Variants in LYPLAL1 observed in about 807,000 individuals in gnomAD.
The protein encoded by LYPLAL1 is lysophospholipase like 1, also known as lysophospholipase-like protein 1.
In LYPLAL1, 23 loss-of-function variants were observed where a neutral mutation model predicts 19.7. The ratio of observed to expected loss-of-function variants is 1.17; its 90% confidence interval spans 0.84 to 1.65. The LOEUF (loss-of-function observed/expected upper bound fraction) is 1.65, where lower values mean the gene tolerates loss of function less well. LYPLAL1 is among the 40% of genes most tolerant of loss of function. The pLI, the probability that LYPLAL1 is intolerant of heterozygous loss-of-function variation, is 0.00. For synonymous variants in LYPLAL1, 119 were observed against 96.3 expected (o/e 1.24, Z -1.38); for missense variants, 355 against 279.4 (o/e 1.27, Z -1.93).
At chr1:219,235,679 C>T in the LYPLAL1 span, among the ~76,000 whole-genome samples, 1 of 152,136 alleles carries the variant, frequency 6.6e-6, no homozygotes, top group African/African-American at 2.4e-5. Context: ...CATTCATTAT[C>T]TATGTGAGCC....
At chr1:219,326,185 A>T in the LYPLAL1 span, among the ~76,000 whole-genome samples, 2 of 151,796 alleles carry the variant, frequency 1.3e-5, no homozygotes, top group East Asian at 3.9e-4. Context: ...AAATATTGGG[A>T]TTACAGGGGT....
At chr1:219,373,103 A>G in the LYPLAL1 span, among the ~76,000 whole-genome samples, 1 of 152,236 alleles carries the variant, frequency 6.6e-6, no homozygotes, top group Admixed American at 6.5e-5. Context: ...TGGCTGAAAA[A>G]AATGAGTCAT....
At chr1:219,196,463 A>T in intron 3 of LYPLAL1, among the ~76,000 whole-genome samples, 1 of 151,954 alleles carries the variant, frequency 6.6e-6, no homozygotes, top group Non-Finnish European at 1.5e-5. Context: ...GCTTTTTTTC[A>T]TGTTTTTTGG....
chr1:219,402,047 T>C, the LYPLAL1 span, among the ~76,000 whole-genome samples: 1 of 152,180 alleles, frequency 6.6e-6, no homozygotes, highest in Non-Finnish European at 1.5e-5. Flanking sequence ...TGGGTCTTTC[T>C]TGGACAATTC....
At chr1:219,429,679 A>G in the LYPLAL1 span, among the ~76,000 whole-genome samples, 3 of 152,206 alleles carry the variant, frequency 2.0e-5, no homozygotes, top group South Asian at 6.2e-4. Context: ...AAATAAATAA[A>G]TAAGAAAGAA....
At chr1:219,304,510 G>A in the LYPLAL1 span, among the ~76,000 whole-genome samples, 3 of 152,340 alleles carry the variant, frequency 2.0e-5, no homozygotes, top group East Asian at 5.8e-4. Flanking sequence ...TCTATTTAGT[G>A]AGTGACTCTT....
the LYPLAL1 span, among the ~76,000 whole-genome samples, chr1:219,348,701 C>T: frequency 6.6e-6 from 1 of 152,042 alleles, no homozygotes; most frequent in Non-Finnish European, 1.5e-5. Flanking sequence ...TCAGAAGAGC[C>T]AGAGAGTGTG....
the LYPLAL1 span, among the ~76,000 whole-genome samples, chr1:219,278,410 T>G: frequency 2.0e-5 from 3 of 152,224 alleles, no homozygotes; most frequent in African/African-American, 7.2e-5. Flanking sequence ...AGCCTTTATA[T>G]GTAAGAATTC....
At chr1:219,328,927 T>C in the LYPLAL1 span, among the ~76,000 whole-genome samples, 2 of 152,224 alleles carry the variant, frequency 1.3e-5, no homozygotes, top group Non-Finnish European at 2.9e-5. Flanking sequence ...TCTATCCTTA[T>C]TAACTTTTTT....
At chr1:219,399,945 T>C in the LYPLAL1 span, among the ~76,000 whole-genome samples, 80,794 of 151,978 alleles carry the variant, frequency 0.53, 21,879 homozygotes, top group East Asian at 0.81. Context: ...GCTGGCTTGC[T>C]GACCCTACCA....
At chr1:219,373,874 A>T in the LYPLAL1 span, among the ~76,000 whole-genome samples, 1 of 38,412 alleles carries the variant, frequency 2.6e-5, no homozygotes. Flanking sequence ...AAAAAAAAAA[A>T]AAAAAAACAA....
chr1:219,439,845 G>A, the LYPLAL1 span, among the ~76,000 whole-genome samples: 23 of 151,130 alleles, frequency 1.5e-4, no homozygotes, highest in East Asian at 3.7e-3. Flanking sequence ...TTTGAAAAAA[G>A]CAATCCCTAA....
intron 2 of LYPLAL1, among the ~76,000 whole-genome samples, chr1:219,185,901 C>G (rs1444756360): frequency 6.6e-6 from 1 of 151,852 alleles, no homozygotes; most frequent in Admixed American, 6.6e-5. Context: ...AGTACTCTTC[C>G]CTCATTAGTT....
chr1:219,333,499 C>T, the LYPLAL1 span, among the ~76,000 whole-genome samples: 1 of 152,070 alleles, frequency 6.6e-6, no homozygotes, highest in East Asian at 1.9e-4. Context: ...CACCAATGCT[C>T]CCGATCTCAA....
chr1:219,409,370 G>A, the LYPLAL1 span, among the ~76,000 whole-genome samples: 1 of 151,888 alleles, frequency 6.6e-6, no homozygotes, highest in Non-Finnish European at 1.5e-5. Context: ...GAACACTTGA[G>A]CTTGGAGGTC....
the LYPLAL1 span, among the ~76,000 whole-genome samples, chr1:219,306,309 T>A: frequency 1.2e-4 from 19 of 152,294 alleles, no homozygotes; most frequent in African/African-American, 4.1e-4. Flanking sequence ...TGATGGTTAA[T>A]TTTGTGTCAA....
chr1:219,249,187 C>T, the LYPLAL1 span, among the ~76,000 whole-genome samples: 1 of 151,874 alleles, frequency 6.6e-6, no homozygotes, highest in Admixed American at 6.6e-5. Flanking sequence ...ATTCCTTTTC[C>T]CTCCACTATC....
the LYPLAL1 span, among the ~76,000 whole-genome samples, chr1:219,296,306 T>A: frequency 1.4e-4 from 21 of 152,318 alleles, no homozygotes; most frequent in African/African-American, 4.8e-4. Context: ...TTCTGGGTTA[T>A]GTTCCAGCTG....
At chr1:219,290,418 A>G in the LYPLAL1 span, among the ~76,000 whole-genome samples, 130 of 152,318 alleles carry the variant, frequency 8.5e-4, no homozygotes, top group Middle Eastern at 3.4e-3. Context: ...GATTGATAAC[A>G]TTTACTAAAC....
Sources: gnomAD v4.1 joint callset for allele counts (sites outside exome capture counted in the v4.1 genomes callset) on GRCh38, gnomAD v4.1.1 for gene constraint, MANE v1.5 for transcripts, NCBI Gene and HGNC (gene_info 2026-07-23, HGNC 2026-07-21) for gene names.